Variants in KLHL18 observed in about 807,000 individuals in gnomAD.
The protein encoded by KLHL18 is kelch like family member 18.
In KLHL18, 38 loss-of-function variants were observed where a neutral mutation model predicts 58.5. That is an observed-to-expected ratio of 0.65 (90% CI 0.50 to 0.85). The LOEUF is 0.85. Among genes scored for constraint, KLHL18 ranks in the 40% least tolerant of loss-of-function variants. The probability of loss-of-function intolerance (pLI) is 0.00; values close to 1 mark genes in which losing one functional copy is unlikely to be tolerated. For synonymous variants in KLHL18, 303 were observed against 301.9 expected, an observed-to-expected ratio of 1.00 and a Z score of -0.04; for missense variants, 624 against 778.4, an observed-to-expected ratio of 0.80 and a Z score of 2.36.
At chr3:47,293,970 A>G (rs906971376) in intron 1 of KLHL18, among the ~76,000 whole-genome samples, 1 of 152,230 alleles carries the variant, frequency 6.6e-6, no homozygotes, top group African/African-American at 2.4e-5. Flanking sequence ...CCACAAGAGC[A>G]GGGCTGTGAC....
chr3:47,293,853 C>T (rs115292716), intron 1 of KLHL18, among the ~76,000 whole-genome samples: 9 of 152,284 alleles, frequency 5.9e-5, no homozygotes, highest in South Asian at 4.1e-4. Flanking sequence ...TCCATCTAGT[C>T]GTGCACAGTT....
chr3:47,312,026 T>A (rs1188294784), intron 1 of KLHL18, among the ~76,000 whole-genome samples: 1 of 152,262 alleles, frequency 6.6e-6, no homozygotes, highest in Non-Finnish European at 1.5e-5. Context: ...TCTTTCTCAT[T>A]TGAATTGATC....
At chr3:47,284,344 T>C (rs1245780166) in intron 1 of KLHL18, among the ~76,000 whole-genome samples, 4 of 148,142 alleles carry the variant, frequency 2.7e-5, no homozygotes, top group Admixed American at 1.3e-4. Context: ...TTTCTTTTTT[T>C]TTTTTTTTTT....
chr3:47,340,730 A>G lies in KLHL18; in HGVS notation c.1226+54A>G. ...TGGAGCTTATAAACAGAGAGTATAA[A>G]AATCAGAACTGTAGTTTTTTTAATT... On this transcript the variant is annotated intron_variant, in intron 8 of 9. Coordinates refer to ENST00000232766, the MANE Select transcript of KLHL18 (RefSeq NM_025010.5). 3.7e-6 allele frequency: 6 copies of G among 1,601,658 alleles called. No individual in the cohort carries two copies. The South Asian group carries it at 6.6e-5, about 18-fold the overall frequency.
chr3:47,342,613 A>T (rs538666077), intron 8 of KLHL18, 106 bp from the exon 9 acceptor site: 4 of 830,122 alleles, frequency 4.8e-6, no homozygotes, highest in East Asian at 2.6e-5. Flanking sequence ...GTGATAAGAG[A>T]TGGAGAGATG....
At position 47,334,641 on chromosome 3, in the gene KLHL18, A is replaced by T. The variant is rs1279511631; in HGVS notation, c.762-42A>T. 6.2e-7 allele frequency: 1 copy of T among 1,609,684 alleles called. No homozygotes were observed. Among genetic ancestry groups the T allele is most frequent in the Non-Finnish European group, 8.5e-7 (1 of 1,176,450 alleles). ...CAGAGATGCAAACGAGGACTAAGTCAGGGGGATACCTCCTGTTCTAGCATC... is the reference window on the plus strand; with the variant it reads ...CAGAGATGCAAACGAGGACTAAGTCTGGGGGATACCTCCTGTTCTAGCATC... On this transcript the variant is annotated intron_variant, in intron 5 of 9. Transcript: ENST00000232766. The surrounding 1 kb of genome is among the most constrained non-coding windows in gnomAD (Gnocchi z 4.7).
intron 1 of KLHL18, among the ~76,000 whole-genome samples, chr3:47,304,406 G>A (rs1466789629): frequency 6.6e-6 from 1 of 152,064 alleles, no homozygotes; most frequent in East Asian, 1.9e-4. Flanking sequence ...GGGAGCCTGA[G>A]GTAGGAGGAT....
At chr3:47,342,276 CA>C (rs1038235602) in intron 8 of KLHL18, among the ~76,000 whole-genome samples, 1 of 151,990 alleles carries the variant, frequency 6.6e-6, no homozygotes, top group African/African-American at 2.4e-5. Context: ...GATGAGAGGT[CA>C]GGGGTAGGGC....
At chr3:47,318,358 G>A (rs1278468474) in intron 1 of KLHL18, among the ~76,000 whole-genome samples, 1 of 152,166 alleles carries the variant, frequency 6.6e-6, no homozygotes, top group Non-Finnish European at 1.5e-5. Context: ...CCTCTCTTAA[G>A]GATATGTTAT....
chr3:47,324,062 T>C (rs746653381), intron 3 of KLHL18, among the ~76,000 whole-genome samples: 8 of 152,216 alleles, frequency 5.3e-5, no homozygotes, highest in Non-Finnish European at 1.2e-4. Context: ...CTGAGGTAAG[T>C]GGTGCTGTTC....
Position 47,334,688 on chromosome 3 carries a change from T to A in KLHL18, c.767T>A (p.Leu256Gln), listed in dbSNP as rs1363193814. Residue 256 changes from leucine (L) to glutamine (Q), a missense_variant, in exon 6 of 10, where the codon CTG (leucine) becomes CAG (glutamine). Physicochemically the swap from Leu to Gln is moderately radical, Grantham distance 113. Transcript: ENST00000232766. The surrounding 1 kb of genome is among the most constrained non-coding windows in gnomAD (Gnocchi z 4.7). Reference sequence around the variant, plus strand: ...CATCTTCCACCTTATTCTAGGGACCTGGTAGACGAAGCAAAGGACTACCAC... The same window carrying A: ...CATCTTCCACCTTATTCTAGGGACCAGGTAGACGAAGCAAAGGACTACCAC... Reference protein sequence around the residue: ...LVRCCHKCRDLVDEAKDYHLM... With the variant: ...LVRCCHKCRDQVDEAKDYHLM... 2 of 1,614,170 alleles carry A rather than the reference T, an allele frequency of 1.2e-6. No individual in the cohort carries two copies. Among genetic ancestry groups the A allele is most frequent in the Admixed American group, 3.3e-5 (2 of 60,024 alleles).
At chr3:47,283,212 A>T in intron 1 of KLHL18, 118 bp downstream of exon 1, 37 of 234,666 alleles carry the variant, frequency 1.6e-4, no homozygotes, top group Non-Finnish European at 1.6e-4. Context: ...AAGAGGTGTG[A>T]GGGGGGCCGA....
chr3:47,330,031 G>C lies in KLHL18; in HGVS notation c.482G>C (p.Ser161Thr). ...GCTGTGCTGTACGACGCTGCCAACA[G>C]CTTCATCCACCAGCACTTTGTGGAG... ...MCAVLYDAAN[S>T]FIHQHFVEVS... The change falls in exon 4 of 10, where the codon AGC becomes ACC. Residue 161 changes from serine to threonine, a missense_variant. Transcript: ENST00000232766. 1 of 1,614,090 alleles carries C rather than the reference G, an allele frequency of 6.2e-7. No individual in the cohort carries two copies. Among genetic ancestry groups the C allele is most frequent in the Non-Finnish European group, 8.5e-7 (1 of 1,180,036 alleles).
chr3:47,344,094 C>A lies in KLHL18; in HGVS notation c.*153C>A. On this transcript the variant is annotated 3_prime_UTR_variant, in exon 10 of 10. Coordinates refer to ENST00000232766, the MANE Select transcript of KLHL18 (RefSeq NM_025010.5). ...TTTTTCCAGGTGCTTAAGCCCTCCCCCACTGTGCCACCCTTGTGACCTTCA... is the reference window on the plus strand; with the variant it reads ...TTTTTCCAGGTGCTTAAGCCCTCCCACACTGTGCCACCCTTGTGACCTTCA... The A allele has an allele frequency of 1.1e-6, 1 of 924,294 alleles. No homozygotes were observed. Among genetic ancestry groups the A allele is most frequent in the East Asian group, 2.6e-5 (1 of 38,074 alleles). 57.3% of individuals were successfully genotyped at this position (924,294 alleles called of 1,614,324 possible). A position where few individuals can be genotyped will look rare whatever the true frequency, so the allele number is the denominator to read the frequency against.
At chr3:47,291,564 C>T (rs748679214) in intron 1 of KLHL18, among the ~76,000 whole-genome samples, 7 of 152,192 alleles carry the variant, frequency 4.6e-5, no homozygotes, top group Non-Finnish European at 1.0e-4. Flanking sequence ...CAGCTATACA[C>T]AATGTATAAA....
At chr3:47,320,569 A>G (rs747807369) in intron 2 of KLHL18, among the ~76,000 whole-genome samples, 5 of 152,148 alleles carry the variant, frequency 3.3e-5, no homozygotes, top group Non-Finnish European at 5.9e-5. Flanking sequence ...TACCCTCTAG[A>G]TGATCAAAGT....
At chr3:47,292,946 TACTC>T (rs978558496) in intron 1 of KLHL18, among the ~76,000 whole-genome samples, 1 of 151,008 alleles carries the variant, frequency 6.6e-6, no homozygotes, top group African/African-American at 2.4e-5. Flanking sequence ...AGTGAAATAT[TACTC>T]AGCCTTTAAA....
chr3:47,307,027 C>T (rs1386789823), intron 1 of KLHL18, among the ~76,000 whole-genome samples: 3 of 151,882 alleles, frequency 2.0e-5, no homozygotes, highest in Non-Finnish European at 4.4e-5. Flanking sequence ...ACTCTGGATA[C>T]TAATTATTTG....
chr3:47,299,981 G>T (rs60155495), intron 1 of KLHL18, among the ~76,000 whole-genome samples: 10,795 of 151,452 alleles, frequency 0.071, 1,266 homozygotes, highest in African/African-American at 0.24. Context: ...GTATATTTTG[G>T]ATTTGCTAGC....
Sources: gnomAD v4.1 joint callset for allele counts (sites outside exome capture counted in the v4.1 genomes callset) on GRCh38, gnomAD v4.1.1 for gene constraint, Gnocchi (gnomAD v3.1) non-coding constraint, MANE v1.5 for transcripts, NCBI Gene and HGNC (gene_info 2026-07-23, HGNC 2026-07-21) for gene names.